The following DNAH7 variants were observed in gnomAD, a reference collection of about 807,000 sequenced individuals.
DNAH7 encodes axonemal beta dynein heavy chain 7.
Under a neutral mutation model 444.6 loss-of-function variants are expected in DNAH7, and 397 were observed. The observed-to-expected ratio is 0.89, with a 90% CI of 0.82 to 0.97. The LOEUF (loss-of-function observed/expected upper bound fraction) is 0.97. Among genes scored for constraint, DNAH7 ranks in the 50% least tolerant of loss-of-function variants. The pLI is 0.00. For missense variants in DNAH7, 4,902 were observed against 4,800.8 expected, an observed-to-expected ratio of 1.02 and a Z score of -0.62; for synonymous variants, 1,636 against 1,624.4, an observed-to-expected ratio of 1.01 and a Z score of -0.17.
At chr2:196,068,601 T>C in intron 1 of DNAH7, 96 bp downstream of exon 1, 3 of 1,509,228 alleles carry the variant, frequency 2.0e-6, no homozygotes, top group Non-Finnish European at 2.7e-6. Context: ...GAGTCACAGC[T>C]GGGGAGTTCG....
At chr2:195,961,276 T>C (rs1294780322) in intron 17 of DNAH7, among the ~76,000 whole-genome samples, 2 of 152,182 alleles carry the variant, frequency 1.3e-5, no homozygotes, top group East Asian at 3.8e-4. Context: ...CTCTTAGCAA[T>C]GTTCACGTAT....
Position 195,924,899 on chromosome 2 carries a change from G to A in DNAH7, c.3613-1092C>T, listed in dbSNP as rs200442486. On this transcript the variant is annotated intron_variant, in intron 22 of 64. Transcript: ENST00000312428. ...AAAATTATAGTCAACAAAAAACACT[G>A]TGCTTAAGAGACATATCAATATGCT... Among the ~76,000 whole-genome samples the A allele has an allele frequency of 3.9e-5, 6 of 152,284 alleles. No homozygotes were observed. In the East Asian group the frequency reaches 1.2e-3, roughly 29 times the overall value.
chr2:195,966,948 C>T (rs1054953726), intron 17 of DNAH7, among the ~76,000 whole-genome samples: 2 of 151,952 alleles, frequency 1.3e-5, no homozygotes, highest in African/African-American at 4.8e-5. Flanking sequence ...AGTCCATTTA[C>T]ATTCAATATT....
intron 37 of DNAH7, 46 bp downstream of exon 37, chr2:195,876,498 A>G: frequency 6.4e-7 from 1 of 1,561,574 alleles, no homozygotes; most frequent in Non-Finnish European, 8.7e-7. Flanking sequence ...TTCCAACTGC[A>G]GCAATGTATA....
chr2:196,051,320 T>C (rs1206147630), intron 2 of DNAH7, 71 bp from the exon 3 acceptor site: 3 of 1,169,806 alleles, frequency 2.6e-6, no homozygotes, highest in African/African-American at 1.5e-5. Context: ...CTGAACCAAA[T>C]TTTACAGAAA....
intron 10 of DNAH7, 21 bp from the exon 11 acceptor site, chr2:196,001,879 T>C: frequency 6.3e-7 from 1 of 1,581,328 alleles, no homozygotes; most frequent in South Asian, 1.2e-5. Context: ...CAAAAGACTT[T>C]TAAAAGTCAG....
intron 1 of DNAH7, among the ~76,000 whole-genome samples, chr2:196,064,151 CCAAAAATA>C (rs1487183637): frequency 6.6e-6 from 1 of 151,928 alleles, no homozygotes; most frequent in African/African-American, 2.4e-5. Context: ...CCCATCTGTA[CCAAAAATA>C]CAAAAATTAG....
At chr2:195,741,551 T>G (rs1271622713) in intron 63 of DNAH7, among the ~76,000 whole-genome samples, 2 of 152,232 alleles carry the variant, frequency 1.3e-5, no homozygotes, top group Non-Finnish European at 2.9e-5. Flanking sequence ...AGTACAGATG[T>G]CAAGCAATGT....
chr2:195,843,955 G>A (rs1472924395), intron 47 of DNAH7, among the ~76,000 whole-genome samples: 2 of 151,994 alleles, frequency 1.3e-5, no homozygotes, highest in Non-Finnish European at 2.9e-5. Context: ...AATTAGCCGG[G>A]CGTGGTGGCA....
chr2:195,774,795 A>G (rs764793457), intron 60 of DNAH7, among the ~76,000 whole-genome samples: 1 of 152,254 alleles, frequency 6.6e-6, no homozygotes, highest in Non-Finnish European at 1.5e-5. Context: ...AGCACTATAC[A>G]AAAGTATTAA....
intron 37 of DNAH7, 34 bp downstream of exon 37, chr2:195,876,510 G>GA (rs778300287): frequency 6.3e-7 from 1 of 1,598,724 alleles, no homozygotes; most frequent in Non-Finnish European, 8.5e-7. Flanking sequence ...CAATGTATAT[G>GA]AATAGGCCCG....
chr2:195,854,588 C>T (rs1367118205), intron 45 of DNAH7, among the ~76,000 whole-genome samples: 1 of 151,952 alleles, frequency 6.6e-6, no homozygotes, highest in Non-Finnish European at 1.5e-5. Flanking sequence ...CTTTCCTCAC[C>T]TATTCTTCTT....
Position 195,857,527 on chromosome 2 carries a change from T to C in DNAH7, c.8264A>G (p.Tyr2755Cys), listed in dbSNP as rs561068885. Residue 2755 changes from tyrosine to cysteine, a missense_variant, in exon 44 of 65, where the codon TAT (tyrosine) becomes TGT (cysteine). Tyr to Cys is a radical substitution (Grantham distance 194). Transcript: ENST00000312428. ...AGCTGGAGGAATATTGTCCTTGTCATATTCATGAAGTGACTGCAGAAACCT... is the reference window on the plus strand; with the variant it reads ...AGCTGGAGGAATATTGTCCTTGTCACATTCATGAAGTGACTGCAGAAACCT... ...DMRFLQSLHE[Y>C]DKDNIPPAYM... 10 of 1,613,996 alleles carry C rather than the reference T, an allele frequency of 6.2e-6. No individual in the cohort carries two copies. The East Asian group carries it at 1.8e-4, about 29-fold the overall frequency.
intron 33 of DNAH7, among the ~76,000 whole-genome samples, chr2:195,886,909 AG>A (rs982514480): frequency 2.3e-4 from 35 of 152,322 alleles, no homozygotes; most frequent in African/African-American, 7.9e-4. Context: ...GTGATTAACA[AG>A]TAAAAATTAA....
chr2:195,991,416 G>A (rs955911544), intron 12 of DNAH7, among the ~76,000 whole-genome samples: 2 of 151,964 alleles, frequency 1.3e-5, no homozygotes, highest in African/African-American at 2.4e-5. Context: ...TTTAAATACT[G>A]CAATTTTATT....
rs186257580 is a variant in DNAH7 at position 195,973,436 on chromosome 2, T to A, written c.1834-970A>T. 1.7e-3 allele frequency among the ~76,000 whole-genome samples: 252 copies of A among 152,228 alleles called. 1 individual carries two copies. The highest frequency in any genetic ancestry group is 1.8e-3 in the Non-Finnish European group (125 of 68,002). On this transcript the variant is annotated intron_variant, in intron 15 of 64. Transcript: ENST00000312428. The stretch of plus-strand genomic sequence containing the variant: ...CTTTTTCCTCTTTCCCTGAACTGTT[T>A]GGACCTATACAGTTTTTTTTGTTTG...
At chr2:195,916,789 C>T (rs1267042122) in intron 24 of DNAH7, among the ~76,000 whole-genome samples, 1 of 151,762 alleles carries the variant, frequency 6.6e-6, no homozygotes, top group Non-Finnish European at 1.5e-5. Context: ...AGCCTGGAGA[C>T]GGAGTTTGCA....
rs750452521 is a variant in DNAH7, at chr2:196,036,027, C to CTT, written c.399-7982_399-7981dup. On this transcript the variant is annotated intron_variant, in intron 5 of 64. Coordinates refer to ENST00000312428, the MANE Select transcript of DNAH7 (RefSeq NM_018897.3). Reference sequence around the variant, plus strand: ...ACAACAGTACCTGCATCTCCACATTCTTTTTTTTTTTTTTTTTTTTCCAGG... The same window carrying CTT: ...ACAACAGTACCTGCATCTCCACATTCTTTTTTTTTTTTTTTTTTTTTTCCAGG... Among the ~76,000 whole-genome samples, 9 of 129,482 alleles carry CTT rather than the reference C, an allele frequency of 7.0e-5. No homozygotes were observed. The East Asian group carries it at 7.2e-4, about 10-fold the overall frequency. 84.9% of individuals were successfully genotyped at this position (129,482 alleles called of 152,430 possible).
rs1246956935 is a variant in DNAH7 at position 195,854,711 on chromosome 2, T to C, written c.8595+1100A>G. ...AATTTTACCTCCAAAAGCACATTTG[T>C]AATACACATATATGCATATGTTCAT... On this transcript the variant is annotated intron_variant, in intron 45 of 64. Coordinates refer to ENST00000312428, the MANE Select transcript of DNAH7 (RefSeq NM_018897.3). Among the ~76,000 whole-genome samples the C allele has an allele frequency of 2.0e-5, 3 of 152,212 alleles. No individual in the cohort carries two copies. In the South Asian group the frequency reaches 6.2e-4, roughly 31 times the overall value.
Sources: allele counts gnomAD v4.1 joint callset (sites outside exome capture counted in the v4.1 genomes callset), GRCh38; gene constraint gnomAD v4.1.1; transcripts MANE v1.5; gene names NCBI Gene and HGNC (gene_info 2026-07-23, HGNC 2026-07-21).